FHIT: variants seen among roughly 807,000 people sequenced by gnomAD.
The protein encoded by FHIT is bis(5'-adenosyl)-triphosphatase.
A neutral mutation model predicts 17.9 loss-of-function variants in FHIT; 19 were observed. The ratio of observed to expected loss-of-function variants is 1.06; its 90% CI spans 0.74 to 1.56. The LOEUF is 1.56. Among genes scored for constraint, FHIT ranks in the 40% most tolerant of loss-of-function variants. The probability of loss-of-function intolerance (pLI) is 0.00; values close to 1 mark genes in which losing one functional copy is unlikely to be tolerated. For synonymous variants in FHIT, 81 were observed against 69.7 expected, an observed-to-expected ratio of 1.16 and a Z score of -0.81; for missense variants, 248 against 189.2, an observed-to-expected ratio of 1.31 and a Z score of -1.82.
Position 60,544,430 on chromosome 3 carries a change from A to G in FHIT, c.-17-7451T>C, listed in dbSNP as rs375112754. Among the ~76,000 whole-genome samples the G allele has an allele frequency of 1.2e-4, 19 of 152,118 alleles. No individual in the cohort carries two copies. The East Asian group carries it at 1.5e-3, about 12-fold the overall frequency. On this transcript the variant is annotated intron_variant, in intron 4 of 9. Coordinates refer to ENST00000492590, the MANE Select transcript of FHIT (RefSeq NM_002012.4). ...CACAATTGCTTGTTCCGTGCCATTA[A>G]TGTGGCAAACTACATTAGCAAATTT... is the stretch of plus-strand genomic sequence containing the variant.
chr3:60,979,656 C>A (rs912849268), intron 3 of FHIT, among the ~76,000 whole-genome samples: 4 of 152,138 alleles, frequency 2.6e-5, no homozygotes, highest in Non-Finnish European at 5.9e-5. Context: ...TAAAGGGTCT[C>A]AGGGCAGCAT....
intron 5 of FHIT, among the ~76,000 whole-genome samples, chr3:60,110,073 T>C (rs1229901471): frequency 6.6e-6 from 1 of 152,176 alleles, no homozygotes; most frequent in Non-Finnish European, 1.5e-5. Flanking sequence ...GTTATGGCTA[T>C]AAAGGAAACA....
At chr3:60,169,709 A>C (rs1701334146) in intron 5 of FHIT, among the ~76,000 whole-genome samples, 4 of 152,178 alleles carry the variant, frequency 2.6e-5, no homozygotes, top group African/African-American at 4.8e-5. Flanking sequence ...GGAGACAAAA[A>C]GTCCCCTGGA....
At chr3:59,787,372 C>A (rs549049075) in intron 8 of FHIT, among the ~76,000 whole-genome samples, 1 of 151,886 alleles carries the variant, frequency 6.6e-6, no homozygotes, top group African/African-American at 2.4e-5. Context: ...TTGGTTTTCA[C>A]GTACCCATAA....
At chr3:61,110,200 C>T (rs1171257836) in intron 2 of FHIT, among the ~76,000 whole-genome samples, 1 of 152,178 alleles carries the variant, frequency 6.6e-6, no homozygotes, top group African/African-American at 2.4e-5. Context: ...GGCCGCTTTT[C>T]TCTTGCCCTG....
rs934547588 is a variant in FHIT, at chr3:61,220,242, C to A, written c.-212-19577G>T. On this transcript the variant is annotated intron_variant, in intron 1 of 9. Transcript: ENST00000492590. ...GCCAATTTTCAACTAAGAGAAGATT[C>A]TTAAACCCCTTTCTAAAACCTTTTC... is the stretch of plus-strand genomic sequence containing the variant. Among the ~76,000 whole-genome samples the A allele has an allele frequency of 2.0e-5, 3 of 152,292 alleles. No homozygotes were observed. In the East Asian group the frequency reaches 5.8e-4, roughly 29 times the overall value.
intron 5 of FHIT, among the ~76,000 whole-genome samples, chr3:60,169,731 AG>A (rs1701335361): frequency 6.6e-6 from 1 of 152,206 alleles, no homozygotes; most frequent in African/African-American, 2.4e-5. Context: ...AAGAGAAACC[AG>A]GTTCCCTGGT....
At chr3:60,832,612 G>C (rs1365887253) in intron 3 of FHIT, among the ~76,000 whole-genome samples, 1 of 151,580 alleles carries the variant, frequency 6.6e-6, no homozygotes, top group Non-Finnish European at 1.5e-5. Context: ...AGACATACGT[G>C]GTCACAACTA....
chr3:60,904,502 AG>A (rs1706293397), intron 3 of FHIT, among the ~76,000 whole-genome samples: 3 of 152,090 alleles, frequency 2.0e-5, no homozygotes, highest in African/African-American at 7.2e-5. Flanking sequence ...GAAAAAAAAA[AG>A]ATTGAGAATT....
chr3:60,496,020 AT>A lies in FHIT; in HGVS notation c.103+40839del, dbSNP rs773799017. On this transcript the variant is annotated intron_variant, in intron 5 of 9. Coordinates refer to ENST00000492590, the MANE Select transcript of FHIT (RefSeq NM_002012.4). Reference sequence around the variant, plus strand: ...AGATATCCAGATGATATCAAGGCACATATGGAAAAGAAAACATTAATACATT... The same window carrying A: ...AGATATCCAGATGATATCAAGGCACAATGGAAAAGAAAACATTAATACATT... Among the ~76,000 whole-genome samples, 25 of 152,306 alleles carry A rather than the reference AT, an allele frequency of 1.6e-4. 1 individual carries two copies. Among genetic ancestry groups the A allele is most frequent in the Admixed American group, 3.3e-4 (5 of 15,284 alleles).
intron 7 of FHIT, among the ~76,000 whole-genome samples, chr3:59,973,736 A>G (rs1708288236): frequency 6.6e-6 from 1 of 152,130 alleles, no homozygotes; most frequent in Admixed American, 6.6e-5. Context: ...TAGTTGCTCA[A>G]TTAAATATTT....
chr3:60,364,301 TA>T (rs1700022807), intron 5 of FHIT, among the ~76,000 whole-genome samples: 2 of 152,246 alleles, frequency 1.3e-5, no homozygotes, highest in Non-Finnish European at 1.5e-5. Context: ...TGGAAAATTC[TA>T]ACTCCTCCTT....
At chr3:60,731,414 A>G (rs1716743) in intron 4 of FHIT, among the ~76,000 whole-genome samples, 102,952 of 152,036 alleles carry the variant, frequency 0.68, 35,194 homozygotes, top group East Asian at 0.82. Context: ...GGGCCAAGTG[A>G]GTGACTTGAG....
chr3:61,086,794 G>C (rs2035319684), intron 2 of FHIT, among the ~76,000 whole-genome samples: 1 of 151,986 alleles, frequency 6.6e-6, no homozygotes, highest in African/African-American at 2.4e-5. Flanking sequence ...ACTAAATAAA[G>C]TCATCATATA....
chr3:61,175,958 C>T (rs2038145410), intron 2 of FHIT, among the ~76,000 whole-genome samples: 1 of 152,216 alleles, frequency 6.6e-6, no homozygotes, highest in Admixed American at 6.5e-5. Context: ...TTTGACATGC[C>T]TTGGAAGTAG....
chr3:60,002,785 G>A (rs895474278), intron 7 of FHIT, among the ~76,000 whole-genome samples: 3 of 152,178 alleles, frequency 2.0e-5, no homozygotes, highest in Non-Finnish European at 4.4e-5. Context: ...AAAGGGTAAA[G>A]AGAAGCGCCT....
chr3:60,881,528 AG>A (rs757093344), intron 3 of FHIT, among the ~76,000 whole-genome samples: 199 of 152,304 alleles, frequency 1.3e-3, no homozygotes, highest in Non-Finnish European at 1.5e-3. Context: ...CAGATCACAA[AG>A]GCCACAAAAT....
At chr3:60,550,816 C>T (rs993413137) in intron 4 of FHIT, among the ~76,000 whole-genome samples, 6 of 152,060 alleles carry the variant, frequency 3.9e-5, no homozygotes, top group Non-Finnish European at 8.8e-5. Context: ...ATATGACAGA[C>T]CAGCCCTCTG....
chr3:61,068,747 G>T (rs368796083), intron 2 of FHIT, among the ~76,000 whole-genome samples: 2 of 152,084 alleles, frequency 1.3e-5, no homozygotes, highest in African/African-American at 4.8e-5. Context: ...CACCAATATA[G>T]AAAATAAGAG....
Sources: allele counts gnomAD v4.1 joint callset (sites outside exome capture counted in the v4.1 genomes callset), GRCh38; gene constraint gnomAD v4.1.1; transcripts MANE v1.5; gene names NCBI Gene and HGNC (gene_info 2026-07-23, HGNC 2026-07-21).